Variants in CLSTN2 observed in about 807,000 individuals in gnomAD.
The protein encoded by CLSTN2 is calsyntenin 2.
CLSTN2 carries 48 observed loss-of-function variants against 101.2 expected under a neutral mutation model. The ratio of observed to expected loss-of-function variants is 0.47; its 90% CI spans 0.38 to 0.60. The LOEUF (loss-of-function observed/expected upper bound fraction) is 0.60, where lower values mean the gene tolerates loss of function less well. Ranked by LOEUF, CLSTN2 falls within the 20% of genes least tolerant of loss-of-function variation. The pLI is 0.00. For synonymous variants in CLSTN2, 481 were observed against 463.6 expected, an observed-to-expected ratio of 1.04 and a Z score of -0.48; for missense variants, 1,160 against 1,238.2, an observed-to-expected ratio of 0.94 and a Z score of 0.95.
chr3:140,046,581 G>A (rs957388728), intron 1 of CLSTN2, among the ~76,000 whole-genome samples: 2 of 152,154 alleles, frequency 1.3e-5, no homozygotes, highest in Non-Finnish European at 2.9e-5. Context: ...TATTTTGCTC[G>A]TTAGTTGATG....
intron 10 of CLSTN2, among the ~76,000 whole-genome samples, chr3:140,551,072 GA>G (rs1935691326): frequency 6.6e-6 from 1 of 152,174 alleles, no homozygotes; most frequent in Non-Finnish European, 1.5e-5. Flanking sequence ...GGGGCTCAGG[GA>G]TTTGTCCAAA....
chr3:139,959,916 C>T (rs754014483), intron 1 of CLSTN2, among the ~76,000 whole-genome samples: 8 of 152,172 alleles, frequency 5.3e-5, no homozygotes, highest in Admixed American at 1.3e-4. Flanking sequence ...ACCTTCTCCT[C>T]TCCCACCCCC....
intron 2 of CLSTN2, among the ~76,000 whole-genome samples, chr3:140,319,920 C>T (rs899321223): frequency 5.9e-5 from 9 of 152,266 alleles, no homozygotes; most frequent in Non-Finnish European, 1.2e-4. Context: ...GCAAACAACT[C>T]GCAGCTGCTT....
chr3:140,274,777 A>G (rs913468610), intron 2 of CLSTN2, among the ~76,000 whole-genome samples: 7 of 152,248 alleles, frequency 4.6e-5, no homozygotes, highest in Non-Finnish European at 7.3e-5. Context: ...AAGGCATCAC[A>G]GGATCAGAGA....
At chr3:140,147,617 G>A (rs1394764574) in intron 1 of CLSTN2, among the ~76,000 whole-genome samples, 1 of 152,178 alleles carries the variant, frequency 6.6e-6, no homozygotes, top group Non-Finnish European at 1.5e-5. Context: ...TATTAATTGA[G>A]AATTAGGGTG....
chr3:140,551,798 A>G (rs751771750), intron 10 of CLSTN2, among the ~76,000 whole-genome samples: 2 of 148,574 alleles, frequency 1.3e-5, no homozygotes, highest in African/African-American at 4.9e-5. Flanking sequence ...CATCTAAATT[A>G]TATATTACAT....
chr3:140,387,401 A>C (rs1298392754), intron 2 of CLSTN2, among the ~76,000 whole-genome samples: 1 of 152,358 alleles, frequency 6.6e-6, no homozygotes, highest in African/African-American at 2.4e-5. Flanking sequence ...ACTGGTGGCT[A>C]TAACAGCAGT....
chr3:140,289,130 A>G (rs746387547), intron 2 of CLSTN2, among the ~76,000 whole-genome samples: 27 of 152,204 alleles, frequency 1.8e-4, no homozygotes, highest in Non-Finnish European at 3.8e-4. Context: ...TGTGCCAGGC[A>G]TGGTTCCAAG....
chr3:139,996,629 T>A (rs2006667207), intron 1 of CLSTN2, among the ~76,000 whole-genome samples: 1 of 152,230 alleles, frequency 6.6e-6, no homozygotes, highest in Non-Finnish European at 1.5e-5. Flanking sequence ...CTGAGTATTG[T>A]CAGACTTCTT....
intron 8 of CLSTN2, among the ~76,000 whole-genome samples, chr3:140,489,560 TG>T (rs1160149716): frequency 6.6e-6 from 1 of 151,958 alleles, no homozygotes; most frequent in East Asian, 1.9e-4. Context: ...TAACTGGGCC[TG>T]GGGGTAGTGG....
At chr3:140,128,722 C>T (rs1415082481) in intron 1 of CLSTN2, among the ~76,000 whole-genome samples, 3 of 152,124 alleles carry the variant, frequency 2.0e-5, no homozygotes, top group Admixed American at 2.0e-4. Context: ...CTCTTCCTTC[C>T]GTGGCTTCAG....
chr3:140,239,975 C>G (rs1472332875), intron 2 of CLSTN2, among the ~76,000 whole-genome samples: 1 of 149,416 alleles, frequency 6.7e-6, no homozygotes, highest in African/African-American at 2.5e-5. Context: ...AAAACAAAAG[C>G]AAATTTTGTC....
intron 2 of CLSTN2, among the ~76,000 whole-genome samples, chr3:140,299,430 A>G (rs2087033340): frequency 6.6e-6 from 1 of 152,252 alleles, no homozygotes; most frequent in Non-Finnish European, 1.5e-5. Context: ...CATAACATGC[A>G]TATACTGTAT....
chr3:140,192,956 T>C (rs766538266), intron 2 of CLSTN2, among the ~76,000 whole-genome samples: 4 of 151,882 alleles, frequency 2.6e-5, no homozygotes, highest in Non-Finnish European at 4.4e-5. Flanking sequence ...TTGTATGGCT[T>C]TTTTTAGTGG....
chr3:140,398,266 C>T (rs1020404246), intron 2 of CLSTN2, among the ~76,000 whole-genome samples: 14 of 151,910 alleles, frequency 9.2e-5, no homozygotes, highest in African/African-American at 3.4e-4. Context: ...CCATTTCATC[C>T]CACAGAATAT....
At chr3:140,106,880 G>T (rs1160249459) in intron 1 of CLSTN2, among the ~76,000 whole-genome samples, 1 of 152,030 alleles carries the variant, frequency 6.6e-6, no homozygotes, top group Non-Finnish European at 1.5e-5. Flanking sequence ...TGTTATTTTG[G>T]CTAAGTCAAG....
chr3:140,021,084 G>C (rs930455334), intron 1 of CLSTN2, among the ~76,000 whole-genome samples: 1 of 152,182 alleles, frequency 6.6e-6, no homozygotes, highest in African/African-American at 2.4e-5. Flanking sequence ...TTTACGATGT[G>C]GGACTTGATG....
At chr3:140,047,513 C>G (rs1351097310) in intron 1 of CLSTN2, among the ~76,000 whole-genome samples, 2 of 152,146 alleles carry the variant, frequency 1.3e-5, no homozygotes, top group Non-Finnish European at 2.9e-5. Flanking sequence ...GAAGGAAACT[C>G]TATGTGTCTT....
chr3:140,551,995 A>AAATC (rs1935712700), intron 10 of CLSTN2, among the ~76,000 whole-genome samples: 1 of 152,042 alleles, frequency 6.6e-6, no homozygotes, highest in Admixed American at 6.6e-5. Context: ...TAAGTCAGAA[A>AAATC]AATCAGAGTC....
Sources: gnomAD v4.1 joint callset for allele counts (sites outside exome capture counted in the v4.1 genomes callset) on GRCh38, gnomAD v4.1.1 for gene constraint, MANE v1.5 for transcripts, NCBI Gene and HGNC (gene_info 2026-07-23, HGNC 2026-07-21) for gene names.